ARSJ: variants seen among roughly 807,000 people sequenced by gnomAD.
The protein encoded by ARSJ is arylsulfatase family member J, also known as arylsulfatase J.
ARSJ carries 26 observed loss-of-function variants against 35.9 expected under a neutral mutation model. The ratio of observed to expected loss-of-function variants is 0.72; its 90% CI spans 0.53 to 1.00. The LOEUF (loss-of-function observed/expected upper bound fraction) is 1.00. Ranked by LOEUF, ARSJ falls within the 50% of genes least tolerant of loss-of-function variation. The pLI is 0.00. For synonymous variants in ARSJ, 294 were observed against 267.6 expected (o/e 1.10, Z -0.96); for missense variants, 667 against 723.6 (o/e 0.92, Z 0.90).
intron 1 of ARSJ, among the ~76,000 whole-genome samples, chr4:113,932,001 G>T (rs185532181): frequency 8.7e-4 from 132 of 152,080 alleles, no homozygotes; most frequent in Non-Finnish European, 1.5e-3. Context: ...TGAAAGCAAA[G>T]GAGTGGAAAA....
intron 1 of ARSJ, among the ~76,000 whole-genome samples, chr4:113,954,092 T>C (rs1282780333): frequency 6.6e-6 from 1 of 151,986 alleles, no homozygotes; most frequent in Non-Finnish European, 1.5e-5. Context: ...ACCATCAAAA[T>C]CTATGTTAGG....
intron 1 of ARSJ, among the ~76,000 whole-genome samples, chr4:113,949,609 A>G (rs967424907): frequency 6.6e-6 from 1 of 152,078 alleles, no homozygotes; most frequent in African/African-American, 2.4e-5. Context: ...TGGCTCCCTT[A>G]AGGCCCAACT....
Position 113,978,809 on chromosome 4 carries a change from T to C in ARSJ, c.26A>G (p.His9Arg). The C allele has an allele frequency of 6.2e-7, 1 of 1,611,010 alleles. No homozygotes were observed. Among genetic ancestry groups the C allele is most frequent in the Non-Finnish European group, 8.5e-7 (1 of 1,178,568 alleles). Reference protein sequence around the residue: MAPRGCAGHPPPPSPQACV... With the variant: MAPRGCAGRPPPPSPQACV... ...GGCCTGTGGAGAAGGCGGAGGCGGA[T>C]GCCCCGCACAGCCCCTGGGAGCCAT... is the stretch of plus-strand genomic sequence containing the variant. The change falls in exon 1 of 2, where the codon CAT (histidine) becomes CGT (arginine). Residue 9 changes from histidine to arginine, a missense_variant. Physicochemically the swap from His to Arg is conservative, Grantham distance 29. Coordinates refer to ENST00000315366, the MANE Select transcript of ARSJ (RefSeq NM_024590.4).
At position 113,903,672 on chromosome 4, in the gene ARSJ, A is replaced by G. The variant is rs1266454809; in HGVS notation, c.402T>C (p.Tyr134=). ...AATGTTGAAGTCCGGTGTGTATCTG[A>G]TACCTTAAGAAAAGAGAAAAAAATT... ...PSRSQFITGK[Y]QIHTGLQHSI... Residue 134 remains tyrosine, a synonymous_variant, in exon 2 of 2, where the codon TAT becomes TAC. Coordinates refer to ENST00000315366, the MANE Select transcript of ARSJ (RefSeq NM_024590.4). 6.2e-7 allele frequency: 1 copy of G among 1,601,156 alleles called. No homozygotes were observed. The highest frequency in any genetic ancestry group is 1.1e-5 in the South Asian group (1 of 89,932).
chr4:113,928,223 C>T (rs542503493), intron 1 of ARSJ, among the ~76,000 whole-genome samples: 2 of 152,224 alleles, frequency 1.3e-5, no homozygotes, highest in South Asian at 4.1e-4. Flanking sequence ...GATTATTTCC[C>T]TTTCCCCAAT....
intron 1 of ARSJ, among the ~76,000 whole-genome samples, chr4:113,976,771 C>T (rs368908158): frequency 6.6e-6 from 1 of 152,118 alleles, no homozygotes; most frequent in East Asian, 1.9e-4. Context: ...GAAAAGAAAT[C>T]TCATCAGATG....
At chr4:113,945,257 T>G (rs960911282) in intron 1 of ARSJ, among the ~76,000 whole-genome samples, 5 of 151,944 alleles carry the variant, frequency 3.3e-5, no homozygotes, top group Non-Finnish European at 4.4e-5. Flanking sequence ...ACCTCAGCCT[T>G]TCTAGAAGCT....
chr4:113,978,351 T>G, intron 1 of ARSJ, 86 bp downstream of exon 1: 2 of 1,288,692 alleles, frequency 1.6e-6, no homozygotes, highest in African/African-American at 1.5e-5. Flanking sequence ...CCATACTTTC[T>G]GTTACTCCCT....
chr4:113,976,272 A>T (rs1261326073), intron 1 of ARSJ, among the ~76,000 whole-genome samples: 6 of 152,074 alleles, frequency 3.9e-5, no homozygotes, highest in Non-Finnish European at 8.8e-5. Context: ...AACCCATTTT[A>T]TTTCCCTTAA....
intron 1 of ARSJ, among the ~76,000 whole-genome samples, chr4:113,971,840 T>A (rs1256984114): frequency 1.3e-5 from 2 of 151,968 alleles, no homozygotes; most frequent in African/African-American, 4.8e-5. Context: ...ATGAAAGAAG[T>A]GGATGGAAGA....
chr4:113,949,797 G>T (rs1301770569), intron 1 of ARSJ, among the ~76,000 whole-genome samples: 1 of 152,036 alleles, frequency 6.6e-6, no homozygotes, highest in Non-Finnish European at 1.5e-5. Context: ...GAAAACTGAT[G>T]ATCTCTTCAC....
chr4:113,978,323 C>A lies in ARSJ; in HGVS notation c.398+114G>T, dbSNP rs1727716443. The A allele has an allele frequency of 1.1e-5, 11 of 971,246 alleles. No homozygotes were observed. In the South Asian group the frequency reaches 1.2e-4, roughly 10 times the overall value. The allele number at this position is 971,246 out of a possible 1,614,324, so 60.2% of individuals were successfully genotyped here. On this transcript the variant is annotated intron_variant, in intron 1 of 1. Transcript: ENST00000315366. The stretch of plus-strand genomic sequence containing the variant: ...TACCATACATCATTCATTCATTCTT[C>A]ATTCATTCAGTTGTTCCCCATACTT...
intron 1 of ARSJ, among the ~76,000 whole-genome samples, chr4:113,929,735 G>A (rs965821529): frequency 2.0e-5 from 3 of 152,070 alleles, no homozygotes; most frequent in Non-Finnish European, 4.4e-5. Context: ...GCAGATTTGA[G>A]GCTCAGTATC....
At chr4:113,911,797 A>C (rs1306130177) in intron 1 of ARSJ, among the ~76,000 whole-genome samples, 3 of 152,196 alleles carry the variant, frequency 2.0e-5, no homozygotes, top group Non-Finnish European at 4.4e-5. Flanking sequence ...TATTTGACGA[A>C]TACATTTTAG....
intron 1 of ARSJ, among the ~76,000 whole-genome samples, chr4:113,959,082 G>A (rs867700788): frequency 7.2e-5 from 11 of 152,046 alleles, no homozygotes; most frequent in South Asian, 2.1e-4. Flanking sequence ...TTAAAAGCAC[G>A]ATAAAATTTA....
intron 1 of ARSJ, among the ~76,000 whole-genome samples, chr4:113,925,970 C>A (rs1280967340): frequency 6.6e-6 from 1 of 152,088 alleles, no homozygotes; most frequent in Non-Finnish European, 1.5e-5. Context: ...TTGTGGAGCG[C>A]ATGCATAACC....
chr4:113,903,507 G>C lies in ARSJ; in HGVS notation c.567C>G (p.Thr189=), dbSNP rs766163905. Residue 189 remains threonine, a synonymous_variant, in exon 2 of 2, where the codon ACC becomes ACG. Transcript: ENST00000315366. ...LGFYRKECMP[T]RRGFDTFFGS... ...CAAAAAAGGTATCAAATCCTCTTCT[G>C]GTGGGCATGCATTCTTTTCTGTAAA... 4.3e-6 allele frequency: 7 copies of C among 1,614,024 alleles called. No individual in the cohort carries two copies. Among genetic ancestry groups the C allele is most frequent in the Non-Finnish European group, 4.2e-6 (5 of 1,180,032 alleles).
intron 1 of ARSJ, among the ~76,000 whole-genome samples, chr4:113,937,754 C>CA (rs987582816): frequency 2.8e-4 from 42 of 152,030 alleles, no homozygotes; most frequent in African/African-American, 9.2e-4. Flanking sequence ...AGCAGAGAAG[C>CA]AGAGAGCCAA....
rs888956801 is a variant in ARSJ at position 113,902,727 on chromosome 4, G to C, written c.1347C>G (p.Ile449Met). The C allele has an allele frequency of 6.2e-7, 1 of 1,614,082 alleles. No individual in the cohort carries two copies. The highest frequency in any genetic ancestry group is 1.7e-5 in the Admixed American group (1 of 60,006). Reference sequence around the variant, plus strand: ...TAAGCAATTTCCAGTGCTGCACTCTGATGGCTGACTGGATTGCAGTGTTCC... The same window carrying C: ...TAAGCAATTTCCAGTGCTGCACTCTCATGGCTGACTGGATTGCAGTGTTCC... ...GIWNTAIQSAIRVQHWKLLTG... is the reference protein window; with the variant it reads ...GIWNTAIQSAMRVQHWKLLTG... Residue 449 changes from isoleucine (I) to methionine (M), a missense_variant, in exon 2 of 2, where the codon ATC becomes ATG. Physicochemically the swap from Ile to Met is conservative, Grantham distance 10. Transcript: ENST00000315366.
Sources: allele counts gnomAD v4.1 joint callset (sites outside exome capture counted in the v4.1 genomes callset), GRCh38; gene constraint gnomAD v4.1.1; transcripts MANE v1.5; gene names NCBI Gene and HGNC (gene_info 2026-07-23, HGNC 2026-07-21).